Variants in PHKB observed in about 807,000 individuals in gnomAD.
The protein encoded by PHKB is phosphorylase b kinase regulatory subunit beta.
A neutral mutation model predicts 152.1 loss-of-function variants in PHKB; 122 were observed. The ratio of observed to expected loss-of-function variants is 0.80; its 90% confidence interval spans 0.69 to 0.93. PHKB has a LOEUF of 0.93. Among genes scored for constraint, PHKB ranks in the 40% least tolerant of loss-of-function variants. PHKB has a pLI of 0.00. For synonymous variants in PHKB, 436 were observed against 464.9 expected, an observed-to-expected ratio of 0.94 and a Z score of 0.80; for missense variants, 1,304 against 1,328.4, an observed-to-expected ratio of 0.98 and a Z score of 0.29.
intron 10 of PHKB, among the ~76,000 whole-genome samples, chr16:47,589,844 G>A (rs934590997): frequency 3.9e-5 from 6 of 152,070 alleles, no homozygotes; most frequent in African/African-American, 9.7e-5. Context: ...GAGAGCAGTG[G>A]CATGATCTCA....
In PHKB at chr16:47,598,742, G is replaced by A. The variant is rs575079128; in HGVS notation, c.1363+2211G>A. The A allele has an allele frequency of 9.6e-5, 153 of 1,585,908 alleles. 2 individuals are homozygous for A. The Middle Eastern group carries it at 2.5e-3, about 26-fold the overall frequency. On this transcript the variant is annotated intron_variant, in intron 13 of 30. Coordinates refer to ENST00000323584, the MANE Select transcript of PHKB (RefSeq NM_000293.3). Reference sequence around the variant, plus strand: ...TCCCTCATTTTTCTTGCCAGATTTAGTTCATGTTCAGCCTAAAGAATCACC... The same window carrying A: ...TCCCTCATTTTTCTTGCCAGATTTAATTCATGTTCAGCCTAAAGAATCACC...
Position 47,596,405 on chromosome 16 carries a change from C to G in PHKB, c.1237C>G (p.Pro413Ala). The G allele has an allele frequency of 1.2e-6, 2 of 1,609,602 alleles. No individual in the cohort carries two copies. Among genetic ancestry groups the G allele is most frequent in the Non-Finnish European group, 1.7e-6 (2 of 1,175,998 alleles). Reference protein sequence around the residue: ...YPVVPKYYYVPADFVEYEKNN... With the variant: ...YPVVPKYYYVAADFVEYEKNN... ...TGTTGTACCAAAGTACTATTATGTG[C>G]CAGCTGACTTTGTAGAATATGAAAA... Residue 413 changes from proline to alanine, a missense_variant, in exon 13 of 31, where the codon CCA becomes GCA. Coordinates refer to ENST00000323584, the MANE Select transcript of PHKB (RefSeq NM_000293.3).
rs117492198 is a variant in PHKB at position 47,631,512 on chromosome 16, G to T, written c.1459-9523G>T. Among the ~76,000 whole-genome samples, 226 of 152,262 alleles carry T rather than the reference G, an allele frequency of 1.5e-3. 1 individual carries two copies. In the East Asian group the frequency reaches 0.033, roughly 22 times the overall value. On this transcript the variant is annotated intron_variant, in intron 14 of 30. Transcript: ENST00000323584. ...TTTTTATTGTACTTTAAGTTCTGGG[G>T]TACATGTGCAGAATATGCAGGTTTG...
intron 1 of PHKB, among the ~76,000 whole-genome samples, chr16:47,478,697 G>A (rs1249590026): frequency 6.6e-6 from 1 of 151,852 alleles, no homozygotes; most frequent in Non-Finnish European, 1.5e-5. Flanking sequence ...CTTTGCGTGT[G>A]GTAAATGCTC....
At chr16:47,695,001 G>A (rs1037794497) in intron 28 of PHKB, among the ~76,000 whole-genome samples, 2 of 152,126 alleles carry the variant, frequency 1.3e-5, no homozygotes, top group Non-Finnish European at 2.9e-5. Flanking sequence ...CATTTAATCC[G>A]TTAGACAATT....
At chr16:47,669,145 C>T in intron 25 of PHKB, 70 bp from the exon 26 acceptor site, 2 of 1,221,004 alleles carry the variant, frequency 1.6e-6, no homozygotes, top group Non-Finnish European at 2.4e-6. Flanking sequence ...CATTCTGAGC[C>T]TTGATTTTTT....
intron 2 of PHKB, 61 bp from the exon 3 acceptor site, chr16:47,499,695 A>G (rs1222416386): frequency 1.9e-6 from 3 of 1,602,482 alleles, no homozygotes; most frequent in Middle Eastern, 3.3e-4. Context: ...AGATTAAAAC[A>G]TTTAGCCCAA....
chr16:47,531,086 A>G (rs1034184724), intron 6 of PHKB, among the ~76,000 whole-genome samples: 1 of 152,188 alleles, frequency 6.6e-6, no homozygotes, highest in Admixed American at 6.5e-5. Context: ...TGATATTAGT[A>G]TGGTGCTAGA....
At chr16:47,636,241 C>G (rs1318692675) in intron 14 of PHKB, among the ~76,000 whole-genome samples, 1 of 152,206 alleles carries the variant, frequency 6.6e-6, no homozygotes, top group Non-Finnish European at 1.5e-5. Context: ...AAGGTCAAGA[C>G]CAGAAATATA....
At chr16:47,543,259 T>A (rs1326375061) in intron 6 of PHKB, among the ~76,000 whole-genome samples, 1 of 152,176 alleles carries the variant, frequency 6.6e-6, no homozygotes, top group Non-Finnish European at 1.5e-5. Context: ...ATTGAGATAA[T>A]GGTGTGGTTT....
chr16:47,519,358 T>C (rs966370992), intron 6 of PHKB, among the ~76,000 whole-genome samples: 1 of 152,174 alleles, frequency 6.6e-6, no homozygotes, highest in African/African-American at 2.4e-5. Flanking sequence ...TCACAGCCCA[T>C]GGGTCAGGAA....
intron 1 of PHKB, among the ~76,000 whole-genome samples, chr16:47,465,850 G>T (rs1328489414): frequency 6.6e-6 from 1 of 152,146 alleles, no homozygotes; most frequent in African/African-American, 2.4e-5. Flanking sequence ...ATAGGCATAT[G>T]TTTTATTGTG....
chr16:47,491,132 T>C (rs1970143394), intron 1 of PHKB, among the ~76,000 whole-genome samples: 1 of 152,200 alleles, frequency 6.6e-6, no homozygotes, highest in African/African-American at 2.4e-5. Context: ...TCCTGGCAAG[T>C]TGTTTTAATT....
At chr16:47,515,719 T>C in intron 6 of PHKB, 118 bp downstream of exon 6, 1 of 677,652 alleles carries the variant, frequency 1.5e-6, no homozygotes, top group South Asian at 1.6e-5. Flanking sequence ...TACATTTATA[T>C]AATCAGATAG....
At chr16:47,527,100 GA>G (rs1970781537) in intron 6 of PHKB, among the ~76,000 whole-genome samples, 1 of 152,218 alleles carries the variant, frequency 6.6e-6, no homozygotes, top group East Asian at 1.9e-4. Context: ...CCATTTATAA[GA>G]AATCTGCCTC....
intron 7 of PHKB, among the ~76,000 whole-genome samples, chr16:47,549,490 G>C (rs532370635): frequency 1.3e-5 from 2 of 152,104 alleles, no homozygotes; most frequent in Non-Finnish European, 2.9e-5. Context: ...GGGGGTTTGA[G>C]ATTGGTCTGA....
chr16:47,547,366 A>G, intron 6 of PHKB, 67 bp from the exon 7 acceptor site: 1 of 953,886 alleles, frequency 1.0e-6, no homozygotes, highest in Non-Finnish European at 1.7e-6. Flanking sequence ...TACAGGCATG[A>G]GCCACCACAC....
intron 6 of PHKB, among the ~76,000 whole-genome samples, chr16:47,540,735 T>G (rs769387168): frequency 6.6e-6 from 1 of 151,974 alleles, no homozygotes; most frequent in Non-Finnish European, 1.5e-5. Flanking sequence ...TTTCAGTATA[T>G]TAAAAATGTG....
At chr16:47,547,390 T>C in intron 6 of PHKB, 43 bp from the exon 7 acceptor site, 4 of 1,227,602 alleles carry the variant, frequency 3.3e-6, no homozygotes, top group Non-Finnish European at 3.6e-6. Flanking sequence ...GCCTATGTCC[T>C]GTTATTGAGT....
Sources: gnomAD v4.1 joint callset for allele counts (sites outside exome capture counted in the v4.1 genomes callset) on GRCh38, gnomAD v4.1.1 for gene constraint, MANE v1.5 for transcripts, NCBI Gene and HGNC (gene_info 2026-07-23, HGNC 2026-07-21) for gene names.